CSMD1: variants seen among roughly 807,000 people sequenced by gnomAD.
CSMD1 encodes CUB and sushi domain-containing protein 1.
A neutral mutation model predicts 417.5 loss-of-function variants in CSMD1; 213 were observed. That is an observed-to-expected ratio of 0.51 (90% confidence interval 0.46 to 0.57). CSMD1 has a LOEUF of 0.57. Ranked by LOEUF, CSMD1 falls within the 20% of genes least tolerant of loss-of-function variation. The pLI is 0.00. For missense variants in CSMD1, 6,923 were observed against 4,529.7 expected (o/e 1.53, Z -15.17); for synonymous variants, 2,862 against 1,736.8 (o/e 1.65, Z -16.11).
chr8:4,233,215 CT>C (rs1427157675), intron 3 of CSMD1, among the ~76,000 whole-genome samples: 4 of 152,198 alleles, frequency 2.6e-5, no homozygotes, highest in East Asian at 3.9e-4. Context: ...TCAATTTTTT[CT>C]TTTTCTTTTT....
chr8:3,933,088 A>G (rs1481719955), intron 5 of CSMD1, among the ~76,000 whole-genome samples: 1 of 149,608 alleles, frequency 6.7e-6, no homozygotes, highest in African/African-American at 2.5e-5. Flanking sequence ...AAAAGAAACA[A>G]CATTATTTTC....
intron 3 of CSMD1, among the ~76,000 whole-genome samples, chr8:4,104,405 C>G (rs1291974261): frequency 6.6e-6 from 1 of 151,430 alleles, no homozygotes; most frequent in East Asian, 2.0e-4. Flanking sequence ...CGTGTACACA[C>G]ATGCACACGC....
intron 3 of CSMD1, among the ~76,000 whole-genome samples, chr8:4,155,999 C>G (rs750105363): frequency 1.3e-5 from 2 of 152,090 alleles, no homozygotes; most frequent in African/African-American, 2.4e-5. Flanking sequence ...ATCAAAAAAG[C>G]CTAATGGAGT....
intron 1 of CSMD1, among the ~76,000 whole-genome samples, chr8:4,873,086 C>G (rs1466368398): frequency 1.3e-5 from 2 of 152,012 alleles, no homozygotes; most frequent in Non-Finnish European, 2.9e-5. Flanking sequence ...TATATGTATA[C>G]ATTGTAACAT....
intron 7 of CSMD1, among the ~76,000 whole-genome samples, chr8:3,640,935 G>A (rs1056006416): frequency 2.8e-4 from 42 of 151,724 alleles, no homozygotes; most frequent in African/African-American, 9.7e-4. Flanking sequence ...TATTTGTGAG[G>A]GAAAGCAAAA....
At chr8:4,045,648 G>A (rs946107530) in intron 3 of CSMD1, among the ~76,000 whole-genome samples, 4 of 152,186 alleles carry the variant, frequency 2.6e-5, no homozygotes, top group African/African-American at 9.7e-5. Context: ...AGCTTGACAA[G>A]ATGGATTGTA....
intron 1 of CSMD1, among the ~76,000 whole-genome samples, chr8:4,985,371 AG>A (rs1811122231): frequency 1.3e-5 from 2 of 151,312 alleles, no homozygotes; most frequent in Non-Finnish European, 2.9e-5. Flanking sequence ...GGAACTTAAA[AG>A]TTTTTTTTAA....
chr8:3,531,432 G>A (rs569586137), intron 10 of CSMD1, among the ~76,000 whole-genome samples: 2 of 152,152 alleles, frequency 1.3e-5, no homozygotes, highest in South Asian at 4.1e-4. Flanking sequence ...TTCTATATGT[G>A]ATAAACATCA....
intron 10 of CSMD1, among the ~76,000 whole-genome samples, chr8:3,536,682 A>C (rs1454340479): frequency 6.6e-6 from 1 of 152,154 alleles, no homozygotes; most frequent in African/African-American, 2.4e-5. Flanking sequence ...GGCACAGAGC[A>C]ATAGGATCTG....
chr8:3,210,540 T>C (rs1797546184), intron 30 of CSMD1, among the ~76,000 whole-genome samples: 1 of 43,286 alleles, frequency 2.3e-5, no homozygotes, highest in South Asian at 6.8e-4. Context: ...TATATATACA[T>C]ATATACGTGT....
chr8:4,655,698 G>GAAGAGGTGTTAACCA lies in CSMD1; in HGVS notation c.86-18155_86-18141dup, dbSNP rs374114599. 1.1e-3 allele frequency among the ~76,000 whole-genome samples: 167 copies of GAAGAGGTGTTAACCA among 152,166 alleles called. 1 individual carries two copies. Among genetic ancestry groups the GAAGAGGTGTTAACCA allele is most frequent in the African/African-American group, 3.8e-3 (158 of 41,444 alleles). The stretch of plus-strand genomic sequence containing the variant: ...ATAATGGAAAAGGTAACTAGGACAC[G>GAAGAGGTGTTAACCA]AAGAGGTGTTAACCAGAAAAATGAT... On this transcript the variant is annotated intron_variant, in intron 1 of 69. Coordinates refer to ENST00000635120, the MANE Select transcript of CSMD1 (RefSeq NM_033225.6).
At chr8:4,199,155 T>A (rs901392512) in intron 3 of CSMD1, among the ~76,000 whole-genome samples, 1 of 152,148 alleles carries the variant, frequency 6.6e-6, no homozygotes, top group Admixed American at 6.5e-5. Context: ...GCAGAACGTA[T>A]CCAGCACAGC....
In CSMD1 at chr8:3,555,292, T is replaced by G. The variant is rs116030860; in HGVS notation, c.1344+19653A>C. 9.5e-3 allele frequency among the ~76,000 whole-genome samples: 1,448 copies of G among 152,194 alleles called. 23 individuals carry two copies. The highest frequency in any genetic ancestry group is 0.033 in the African/African-American group (1,350 of 41,532). On this transcript the variant is annotated intron_variant, in intron 10 of 69. Transcript: ENST00000635120. ...GCCAATGGGATGATTTAGGCAGTAT[T>G]TCAATACTGAGGCTCACAGAGGTTT...
intron 50 of CSMD1, among the ~76,000 whole-genome samples, chr8:3,042,555 A>C (rs1287498816): frequency 6.6e-6 from 1 of 152,132 alleles, no homozygotes; most frequent in Non-Finnish European, 1.5e-5. Flanking sequence ...CGGGACGGGC[A>C]CTTTACGCTA....
chr8:3,432,791 G>T (rs1814301245), intron 12 of CSMD1, among the ~76,000 whole-genome samples: 1 of 152,116 alleles, frequency 6.6e-6, no homozygotes, highest in Admixed American at 6.5e-5. Context: ...TGGGATTACA[G>T]GCATGAGCCA....
At chr8:3,860,231 A>G (rs1257379903) in intron 5 of CSMD1, among the ~76,000 whole-genome samples, 1 of 152,150 alleles carries the variant, frequency 6.6e-6, no homozygotes, top group African/African-American at 2.4e-5. Flanking sequence ...GTGTTCTCCA[A>G]CTGCCTACTC....
At chr8:2,994,076 G>T (rs1326444117) in intron 54 of CSMD1, among the ~76,000 whole-genome samples, 2 of 145,182 alleles carry the variant, frequency 1.4e-5, no homozygotes, top group African/African-American at 2.7e-5. Flanking sequence ...AACCCTGGAG[G>T]CGGAAGTTGC....
chr8:4,480,156 C>G (rs572327671), intron 2 of CSMD1, among the ~76,000 whole-genome samples: 1 of 149,258 alleles, frequency 6.7e-6, no homozygotes, highest in Non-Finnish European at 1.5e-5. Flanking sequence ...CTACTATTTT[C>G]CTAATACCAC....
rs1022814798 is a variant in CSMD1, at chr8:4,453,468, C to T, written c.303-33403G>A. Reference sequence around the variant, plus strand: ...TGGTGCAGCAGCAAGAACGGTGATGCGAAGTCTGGCTGAATTCAAAGCCAT... The same window carrying T: ...TGGTGCAGCAGCAAGAACGGTGATGTGAAGTCTGGCTGAATTCAAAGCCAT... On this transcript the variant is annotated intron_variant, in intron 2 of 69. Coordinates refer to ENST00000635120, the MANE Select transcript of CSMD1 (RefSeq NM_033225.6). 9.2e-5 allele frequency among the ~76,000 whole-genome samples: 14 copies of T among 152,152 alleles called. 1 individual carries two copies. Among genetic ancestry groups the T allele is most frequent in the Admixed American group, 3.9e-4 (6 of 15,290 alleles).
Sources: gnomAD v4.1 joint callset for allele counts (sites outside exome capture counted in the v4.1 genomes callset) on GRCh38, gnomAD v4.1.1 for gene constraint, MANE v1.5 for transcripts, NCBI Gene and HGNC (gene_info 2026-07-23, HGNC 2026-07-21) for gene names.